Variants in LRRFIP2 observed in about 807,000 individuals in gnomAD.
LRRFIP2 encodes LRR binding FLII interacting protein 2, also known as leucine-rich repeat flightless-interacting protein 2.
Under a neutral mutation model 125.9 loss-of-function variants are expected in LRRFIP2, and 109 were observed. The ratio of observed to expected loss-of-function variants is 0.87; its 90% CI spans 0.74 to 1.01. The LOEUF is 1.01. Ranked by LOEUF, LRRFIP2 falls within the 50% of genes least tolerant of loss-of-function variation. The probability of loss-of-function intolerance (pLI) is 0.00; values close to 1 mark genes in which losing one functional copy is unlikely to be tolerated. For synonymous variants in LRRFIP2, 291 were observed against 293.1 expected, an observed-to-expected ratio of 0.99 and a Z score of 0.07; for missense variants, 850 against 862.3, an observed-to-expected ratio of 0.99 and a Z score of 0.18.
In LRRFIP2 at chr3:37,063,790, A is replaced by C; in HGVS notation, c.1701T>G (p.Asp567Glu). ...VLESAGEGPL[D>E]VRLRKLAGEK... Reference sequence around the variant, plus strand: ...CTCCAGCAAGTTTTCGTAGCCTTACATCTAAAACAAATGAAAAAGATCATA... The same window carrying C: ...CTCCAGCAAGTTTTCGTAGCCTTACCTCTAAAACAAATGAAAAAGATCATA... Residue 567 changes from aspartate to glutamate, a missense_variant and splice_region_variant, in exon 24 of 28, where the codon GAT becomes GAG. By Grantham distance (45) the Asp-to-Glu change is conservative. Transcript: ENST00000336686. 6.2e-7 allele frequency: 1 copy of C among 1,609,668 alleles called. No homozygotes were observed. Among genetic ancestry groups the C allele is most frequent in the Non-Finnish European group, 8.5e-7 (1 of 1,176,094 alleles).
At chr3:37,121,838 A>C (rs1403817864) in intron 4 of LRRFIP2, 147 bp from the exon 5 acceptor site, 2 of 637,328 alleles carry the variant, frequency 3.1e-6, no homozygotes, top group Non-Finnish European at 5.5e-6. Flanking sequence ...GGGCAGCCAC[A>C]TTCGTGTGTG....
chr3:37,086,854 C>A (rs901859851), intron 18 of LRRFIP2, among the ~76,000 whole-genome samples: 9 of 151,772 alleles, frequency 5.9e-5, no homozygotes, highest in African/African-American at 2.2e-4. Context: ...TACATACATA[C>A]ACACACTTTT....
chr3:37,135,328 G>A (rs535995373), intron 2 of LRRFIP2, among the ~76,000 whole-genome samples: 3 of 151,878 alleles, frequency 2.0e-5, no homozygotes, highest in South Asian at 2.1e-4. Flanking sequence ...GCATGGTGGC[G>A]TGAACCTGTA....
chr3:37,164,180 C>T (rs911777076), intron 1 of LRRFIP2, among the ~76,000 whole-genome samples: 4 of 152,140 alleles, frequency 2.6e-5, no homozygotes, highest in East Asian at 1.9e-4. Context: ...TTTTAACTCC[C>T]TGAAAAAACA....
At chr3:37,057,534 CTTT>C (rs58257408) in intron 25 of LRRFIP2, among the ~76,000 whole-genome samples, 1 of 144,794 alleles carries the variant, frequency 6.9e-6, no homozygotes, top group Non-Finnish European at 1.5e-5. Context: ...AGTCTTTTCT[CTTT>C]TTTTTTTTTT....
upstream of LRRFIP2, among the ~76,000 whole-genome samples, chr3:37,175,395 G>A (rs1311876662): frequency 1.3e-5 from 2 of 152,200 alleles, no homozygotes; most frequent in Non-Finnish European, 2.9e-5. Flanking sequence ...TGTCTCAGCA[G>A]CCTGTATTTG....
chr3:37,058,699 G>A (rs2087652094), intron 25 of LRRFIP2, 91 bp downstream of exon 25: 1 of 1,205,062 alleles, frequency 8.3e-7, no homozygotes, highest in Non-Finnish European at 1.2e-6. Context: ...AAAGAAAAGT[G>A]TATTACAAGA....
intron 16 of LRRFIP2, 69 bp from the exon 17 acceptor site, chr3:37,094,977 A>G (rs1425921668): frequency 4.0e-6 from 4 of 1,002,818 alleles, no homozygotes; most frequent in Non-Finnish European, 4.8e-6. Flanking sequence ...GAAACTAAAA[A>G]CAGGGCAGGG....
Position 37,102,913 on chromosome 3 carries a change from A to G in LRRFIP2, c.873+11T>C, listed in dbSNP as rs757633519. On this transcript the variant is annotated intron_variant, in intron 15 of 27. Coordinates refer to ENST00000336686, the MANE Select transcript of LRRFIP2 (RefSeq NM_006309.4). ...GACAACATAACCAACCACCCCATGC[A>G]ATACACTCACGCTGGACAAATCTGG... 4 of 1,545,074 alleles carry G rather than the reference A, an allele frequency of 2.6e-6. No individual in the cohort carries two copies. The highest frequency in any genetic ancestry group is 3.5e-6 in the Non-Finnish European group (4 of 1,140,762).
At chr3:37,055,841 G>A (rs1399923814) in intron 25 of LRRFIP2, among the ~76,000 whole-genome samples, 1 of 152,144 alleles carries the variant, frequency 6.6e-6, no homozygotes, top group East Asian at 1.9e-4. Context: ...CTAGTTCCCT[G>A]AACGCGGCCC....
intron 15 of LRRFIP2, among the ~76,000 whole-genome samples, chr3:37,102,429 A>C (rs1321283657): frequency 6.6e-6 from 1 of 152,158 alleles, no homozygotes; most frequent in African/African-American, 2.4e-5. Context: ...TTTTTTTAAA[A>C]AAGAACATAT....
intron 2 of LRRFIP2, chr3:37,140,199 A>T (rs2095657522): frequency 6.6e-6 from 1 of 152,146 alleles, no homozygotes; most frequent in African/African-American, 2.4e-5. Context: ...AAAGTTTTCA[A>T]GCTTCACCTC....
chr3:37,066,272 CAT>C lies in LRRFIP2; in HGVS notation c.1516_1517del (p.Met506AlafsTer7). The C allele has an allele frequency of 1.9e-6, 3 of 1,614,182 alleles. No homozygotes were observed. Among genetic ancestry groups the C allele is most frequent in the Non-Finnish European group, 2.5e-6 (3 of 1,180,002 alleles). On this transcript the variant is annotated frameshift_variant, in exon 22 of 28. Coordinates refer to ENST00000336686, the MANE Select transcript of LRRFIP2 (RefSeq NM_006309.4). LOFTEE classifies it high-confidence loss of function. Reference protein sequence around the residue: ...YIACLRNERDMLREELADLQE... With the variant: ...YIACLRNERDXLREELADLQE... ...GCAGGTCAGCCAGCTCCTCTCTGAG[CAT>C]ATCTCGCTCATTCCTAAGGCAGGCA...
chr3:37,136,197 A>G (rs570567159), intron 2 of LRRFIP2, among the ~76,000 whole-genome samples: 2 of 152,344 alleles, frequency 1.3e-5, no homozygotes, highest in Admixed American at 6.5e-5. Context: ...AAGGTCACAT[A>G]TTGCATGATT....
intron 1 of LRRFIP2, among the ~76,000 whole-genome samples, chr3:37,160,447 A>T (rs2096306103): frequency 6.6e-6 from 1 of 152,168 alleles, no homozygotes; most frequent in Non-Finnish European, 1.5e-5. Flanking sequence ...ATTAAGGCAA[A>T]TTATAGCCAT....
chr3:37,173,823 A>G (rs531204626), intron 1 of LRRFIP2, among the ~76,000 whole-genome samples: 54 of 152,340 alleles, frequency 3.5e-4, no homozygotes, highest in African/African-American at 1.3e-3. Context: ...TCTAATAAAG[A>G]TTTGTTTTTG....
At chr3:37,085,849 TG>T (rs2093009496) in intron 18 of LRRFIP2, among the ~76,000 whole-genome samples, 2 of 152,136 alleles carry the variant, frequency 1.3e-5, no homozygotes, top group South Asian at 4.1e-4. Context: ...CCCAAAGTGC[TG>T]GGATTACAGG....
chr3:37,083,799 A>C lies in LRRFIP2; in HGVS notation c.1115T>G (p.Leu372Trp). 2 of 1,588,680 alleles carry C rather than the reference A, an allele frequency of 1.3e-6. No individual in the cohort carries two copies. Among genetic ancestry groups the C allele is most frequent in the Non-Finnish European group, 1.7e-6 (2 of 1,172,312 alleles). The change falls in exon 19 of 28, where the codon TTG becomes TGG. Residue 372 changes from leucine (L) to tryptophan (W), a missense_variant. Coordinates refer to ENST00000336686, the MANE Select transcript of LRRFIP2 (RefSeq NM_006309.4). ...MQGLKELKESLSEVEEKYKKA... is the reference protein window; with the variant it reads ...MQGLKELKESWSEVEEKYKKA... ...CTTGTATTTTTCTTCCACTTCAGAC[A>C]AAGATTCCTAAATGAGAGTTAAGTC...
chr3:37,117,249 T>C (rs1292112686), intron 6 of LRRFIP2, among the ~76,000 whole-genome samples: 3 of 152,088 alleles, frequency 2.0e-5, no homozygotes, highest in African/African-American at 7.2e-5. Context: ...TTTCCTCTTA[T>C]CATCCTCTCT....
Sources: allele counts gnomAD v4.1 joint callset (sites outside exome capture counted in the v4.1 genomes callset), GRCh38; gene constraint gnomAD v4.1.1; transcripts MANE v1.5; gene names NCBI Gene and HGNC (gene_info 2026-07-23, HGNC 2026-07-21).